The following POU2F3 variants were observed in gnomAD, a reference collection of about 807,000 sequenced individuals.
POU2F3 encodes POU domain, class 2, transcription factor 3.
POU2F3 carries 23 observed loss-of-function variants against 59.2 expected under a neutral mutation model. The ratio of observed to expected loss-of-function variants is 0.39; its 90% CI spans 0.28 to 0.55. The LOEUF is 0.55. Ranked by LOEUF, POU2F3 falls within the 20% of genes least tolerant of loss-of-function variation. The pLI is 0.66. For missense variants in POU2F3, 473 were observed against 544.5 expected (o/e 0.87, Z 1.31); for synonymous variants, 190 against 214.6 (o/e 0.89, Z 1.00).
intron 3 of POU2F3, among the ~76,000 whole-genome samples, chr11:120,287,506 A>G (rs1940825267): frequency 6.6e-6 from 1 of 152,210 alleles, no homozygotes; most frequent in South Asian, 2.1e-4. Flanking sequence ...ATTCAGCCCT[A>G]ACCCTTGAGA....
At chr11:120,272,763 C>G (rs1251456940) in intron 3 of POU2F3, among the ~76,000 whole-genome samples, 1 of 152,200 alleles carries the variant, frequency 6.6e-6, no homozygotes, top group Non-Finnish European at 1.5e-5. Context: ...GACCCAGAAG[C>G]AAGGCCAACC....
At chr11:120,302,483 G>C (rs1479883763) in intron 6 of POU2F3, 115 bp downstream of exon 6, 6 of 951,868 alleles carry the variant, frequency 6.3e-6, no homozygotes, top group East Asian at 2.8e-5. Context: ...GGGGAGAGGG[G>C]ATAGCAGGGA....
intron 3 of POU2F3, among the ~76,000 whole-genome samples, chr11:120,274,517 T>A (rs140487570): frequency 2.7e-4 from 41 of 152,304 alleles, no homozygotes; most frequent in African/African-American, 9.1e-4. Context: ...TGGCTGAGAA[T>A]TCTAGCTTGA....
chr11:120,268,548 G>A (rs1031296482), intron 2 of POU2F3, among the ~76,000 whole-genome samples: 1 of 152,172 alleles, frequency 6.6e-6, no homozygotes. Context: ...TCACTGTGTT[G>A]CTCAGCCTGG....
At chr11:120,275,253 A>G (rs1240884055) in intron 3 of POU2F3, among the ~76,000 whole-genome samples, 1 of 152,098 alleles carries the variant, frequency 6.6e-6, no homozygotes, top group African/African-American at 2.4e-5. Context: ...AAGGCAGTGC[A>G]GGAGAAAGGA....
intron 10 of POU2F3, among the ~76,000 whole-genome samples, chr11:120,314,981 G>A (rs1434606855): frequency 2.6e-5 from 4 of 152,234 alleles, no homozygotes; most frequent in Middle Eastern, 3.2e-3. Flanking sequence ...ATGGAGACCA[G>A]AAAATGACAG....
chr11:120,269,690 G>A, intron 3 of POU2F3, among the ~76,000 whole-genome samples: 1 of 152,170 alleles, frequency 6.6e-6, no homozygotes, highest in East Asian at 1.9e-4. Context: ...GAAACAGATA[G>A]GCAGAAAGAG....
At chr11:120,244,533 G>A (rs1938793742) in intron 1 of POU2F3, among the ~76,000 whole-genome samples, 1 of 152,204 alleles carries the variant, frequency 6.6e-6, no homozygotes, top group South Asian at 2.1e-4. Context: ...TGATGGCATT[G>A]AGATTAATCC....
At chr11:120,283,651 C>A (rs911527524) in intron 3 of POU2F3, among the ~76,000 whole-genome samples, 1 of 152,158 alleles carries the variant, frequency 6.6e-6, no homozygotes, top group African/African-American at 2.4e-5. Flanking sequence ...CCCACCCACT[C>A]CCTTCTCCCC....
intron 12 of POU2F3, 138 bp from the exon 13 acceptor site, chr11:120,318,215 C>T: frequency 1.3e-6 from 1 of 750,690 alleles, no homozygotes; most frequent in Non-Finnish European, 2.3e-6. Context: ...GTTGTGCAAC[C>T]ATCAGCGTTA....
At chr11:120,295,956 G>C (rs925658900) in intron 3 of POU2F3, among the ~76,000 whole-genome samples, 1 of 152,184 alleles carries the variant, frequency 6.6e-6, no homozygotes, top group Non-Finnish European at 1.5e-5. Flanking sequence ...TGCAACCAGG[G>C]CTTCTTGGTG....
intron 2 of POU2F3, chr11:120,261,163 TGTG>T (rs1358312016): frequency 3.0e-4 from 5 of 16,446 alleles, no homozygotes; most frequent in African/African-American, 1.0e-3. Context: ...TGTTGTTTTG[TGTG>T]TGTGTGTGTG....
chr11:120,288,844 A>ATTAC lies in POU2F3; in HGVS notation c.133-9421_133-9420insTTAC, dbSNP rs1940921262. 2.0e-5 allele frequency among the ~76,000 whole-genome samples: 3 copies of ATTAC among 152,130 alleles called. No homozygotes were observed. In the South Asian group the frequency reaches 6.2e-4, roughly 32 times the overall value. ...ATGTATTACATATGTACATGTATGT[A>ATTAC]ATACATACATGTGCATATTTTCATA... is the stretch of plus-strand genomic sequence containing the variant. On this transcript the variant is annotated intron_variant, in intron 3 of 12. Coordinates refer to ENST00000543440, the MANE Select transcript of POU2F3 (RefSeq NM_014352.4).
chr11:120,238,598 A>G (rs1938556870), upstream of POU2F3, among the ~76,000 whole-genome samples: 1 of 152,020 alleles, frequency 6.6e-6, no homozygotes, highest in Non-Finnish European at 1.5e-5. Flanking sequence ...GCACTTTGGG[A>G]GGCTGAGGCG....
At chr11:120,301,321 C>T (rs922142201) in intron 5 of POU2F3, 12 of 243,700 alleles carry the variant, frequency 4.9e-5, no homozygotes, top group African/African-American at 1.4e-4. Flanking sequence ...CCATTTCAAC[C>T]GCCATGTCAG....
intron 2 of POU2F3, 150 bp downstream of exon 2, chr11:120,246,667 A>C (rs746234484): frequency 5.5e-5 from 40 of 732,942 alleles, no homozygotes; most frequent in Non-Finnish European, 8.1e-5. Flanking sequence ...CCCTGAGGAC[A>C]TGGGATATGA....
chr11:120,238,096 C>A (rs936409172), upstream of POU2F3, among the ~76,000 whole-genome samples: 1 of 151,940 alleles, frequency 6.6e-6, no homozygotes, highest in Non-Finnish European at 1.5e-5. Context: ...CAAAATTAGC[C>A]GGGCATGGTG....
intron 2 of POU2F3, chr11:120,255,932 C>T (rs1591380842): frequency 6.6e-6 from 1 of 152,240 alleles, no homozygotes; most frequent in South Asian, 2.1e-4. Context: ...GGAATAATCC[C>T]TGCACTTTCT....
upstream of POU2F3, among the ~76,000 whole-genome samples, chr11:120,239,926 C>T (rs1007978819): frequency 6.6e-6 from 1 of 152,246 alleles, no homozygotes; most frequent in Non-Finnish European, 1.5e-5. Flanking sequence ...GGCGCCACTC[C>T]GGGCGCGGTG....
Sources: allele counts gnomAD v4.1 joint callset (sites outside exome capture counted in the v4.1 genomes callset), GRCh38; gene constraint gnomAD v4.1.1; transcripts MANE v1.5; gene names NCBI Gene and HGNC (gene_info 2026-07-23, HGNC 2026-07-21).